HNF4G: variants seen among roughly 807,000 people sequenced by gnomAD.
The protein encoded by HNF4G is hepatocyte nuclear factor 4-gamma.
HNF4G carries 21 observed loss-of-function variants against 50.9 expected under a neutral mutation model. That is an observed-to-expected ratio of 0.41 (90% CI 0.29 to 0.59). The LOEUF is 0.59. Ranked by LOEUF, HNF4G falls within the 20% of genes least tolerant of loss-of-function variation. The pLI is 0.26. For synonymous variants in HNF4G, 198 were observed against 185.6 expected, an observed-to-expected ratio of 1.07 and a Z score of -0.54; for missense variants, 527 against 559.4, an observed-to-expected ratio of 0.94 and a Z score of 0.58.
intron 2 of HNF4G, among the ~76,000 whole-genome samples, chr8:75,516,951 A>G (rs1390995149): frequency 1.3e-5 from 2 of 152,202 alleles, no homozygotes; most frequent in African/African-American, 4.8e-5. Flanking sequence ...TGGGTAACTT[A>G]TAAAGAAAAG....
chr8:75,490,869 A>T (rs1046144185), intron 2 of HNF4G, among the ~76,000 whole-genome samples: 1 of 152,214 alleles, frequency 6.6e-6, no homozygotes, highest in African/African-American at 2.4e-5. Context: ...ACTCAATAGA[A>T]AACGTCTTCG....
At chr8:75,500,077 G>A (rs1812886424) in intron 2 of HNF4G, among the ~76,000 whole-genome samples, 1 of 152,084 alleles carries the variant, frequency 6.6e-6, no homozygotes, top group South Asian at 2.1e-4. Flanking sequence ...TCAAGAAAGT[G>A]AAGAGACAAT....
At chr8:75,521,573 A>G (rs1327629943) in intron 2 of HNF4G, among the ~76,000 whole-genome samples, 8 of 152,110 alleles carry the variant, frequency 5.3e-5, no homozygotes, top group Admixed American at 5.2e-4. Context: ...TGGATGTTCT[A>G]ATAGTCCTGA....
chr8:75,421,154 C>A (rs1236438305), intron 1 of HNF4G, among the ~76,000 whole-genome samples: 1 of 152,058 alleles, frequency 6.6e-6, no homozygotes, highest in Non-Finnish European at 1.5e-5. Flanking sequence ...TGAGAAAAAA[C>A]AAAGCAAGCA....
At chr8:75,501,796 A>G (rs1812934723) in intron 2 of HNF4G, among the ~76,000 whole-genome samples, 1 of 152,132 alleles carries the variant, frequency 6.6e-6, no homozygotes, top group Admixed American at 6.6e-5. Context: ...GAATCAAGCT[A>G]ATTAACATAT....
At chr8:75,442,710 T>G (rs1385044449) in intron 1 of HNF4G, among the ~76,000 whole-genome samples, 4 of 152,136 alleles carry the variant, frequency 2.6e-5, no homozygotes, top group Non-Finnish European at 4.4e-5. Flanking sequence ...CCCATAAATA[T>G]TTCCTAAAGC....
intron 2 of HNF4G, among the ~76,000 whole-genome samples, chr8:75,494,875 A>G (rs1433042387): frequency 6.6e-6 from 1 of 152,098 alleles, no homozygotes; most frequent in Non-Finnish European, 1.5e-5. Context: ...GGTAACAAAA[A>G]CAGTGTTTAT....
Position 75,449,056 on chromosome 8 carries a change from G to A in HNF4G, c.-144+40894G>A, listed in dbSNP as rs1585853348. Among the ~76,000 whole-genome samples, 3 of 152,174 alleles carry A rather than the reference G, an allele frequency of 2.0e-5. No homozygotes were observed. The South Asian group carries it at 6.2e-4, about 32-fold the overall frequency. ...TGAAGATCATGTTGCTATAATTAAA[G>A]GGCCCCAAAAAGTTGTTTAAATAAA... On this transcript the variant is annotated intron_variant, in intron 1 of 10. Coordinates refer to the HNF4G transcript ENST00000354370.
chr8:75,418,722 C>CTTTTT (rs560295179), intron 1 of HNF4G, among the ~76,000 whole-genome samples: 24 of 109,388 alleles, frequency 2.2e-4, no homozygotes, highest in South Asian at 2.9e-4. Flanking sequence ...CTCTCTCTCT[C>CTTTTT]TTTTTTTTTT....
intron 1 of HNF4G, among the ~76,000 whole-genome samples, chr8:75,431,246 A>C (rs1304368614): frequency 1.3e-5 from 2 of 152,102 alleles, no homozygotes; most frequent in Non-Finnish European, 2.9e-5. Flanking sequence ...ACATACATCT[A>C]ATTGGAGAGC....
chr8:75,443,387 T>C (rs551475523), intron 1 of HNF4G, among the ~76,000 whole-genome samples: 1 of 152,332 alleles, frequency 6.6e-6, no homozygotes, highest in Admixed American at 6.5e-5. Flanking sequence ...AACATTAGTA[T>C]TAATAACTTC....
chr8:75,499,865 G>A (rs1419354033), intron 2 of HNF4G, among the ~76,000 whole-genome samples: 4 of 151,960 alleles, frequency 2.6e-5, no homozygotes, highest in East Asian at 1.9e-4. Flanking sequence ...GAATGCCTAC[G>A]TGACATAACA....
At chr8:75,409,885 C>T (rs1424862245) in intron 1 of HNF4G, among the ~76,000 whole-genome samples, 2 of 152,008 alleles carry the variant, frequency 1.3e-5, no homozygotes, top group Non-Finnish European at 2.9e-5. Context: ...AGAAAAAGAG[C>T]CCCCTCCCCA....
chr8:75,489,666 A>G (rs1812576707), intron 1 of HNF4G, among the ~76,000 whole-genome samples: 1 of 152,252 alleles, frequency 6.6e-6, no homozygotes, highest in Admixed American at 6.5e-5. Context: ...AAAATTGTAC[A>G]TGGGGTCATA....
At position 75,470,320 on chromosome 8, in the gene HNF4G, T is replaced by TATGTAAAGTGTAAAGAAAA. The variant is rs2130630456; in HGVS notation, c.-143-19768_-143-19767insTGTAAAGTGTAAAGAAAAA. 2.0e-5 allele frequency among the ~76,000 whole-genome samples: 3 copies of TATGTAAAGTGTAAAGAAAA among 152,366 alleles called. No homozygotes were observed. The East Asian group carries it at 5.8e-4, about 29-fold the overall frequency. ...CATATAAAGTGTAAAGAAGAAAATA[T>TATGTAAAGTGTAAAGAAAA]AATCACTGTTCTTGGCTTAAGAGAA... On this transcript the variant is annotated intron_variant, in intron 1 of 10. Coordinates refer to the HNF4G transcript ENST00000354370.
chr8:75,429,704 A>C (rs1340989619), intron 1 of HNF4G, among the ~76,000 whole-genome samples: 1 of 152,176 alleles, frequency 6.6e-6, no homozygotes, highest in East Asian at 1.9e-4. Flanking sequence ...CTTTTAAAGC[A>C]GAAAGGCCGA....
intron 2 of HNF4G, among the ~76,000 whole-genome samples, chr8:75,522,984 T>TG (rs976113417): frequency 6.6e-5 from 10 of 152,184 alleles, no homozygotes; most frequent in African/African-American, 1.9e-4. Context: ...CCCAGCACTT[T>TG]GGGAGGTCTA....
chr8:75,558,859 C>A lies in HNF4G; in HGVS notation c.945C>A (p.Ile315=). The A allele has an allele frequency of 6.2e-7, 1 of 1,613,996 alleles. No individual in the cohort carries two copies. The highest frequency in any genetic ancestry group is 1.1e-5 in the South Asian group (1 of 91,064). Residue 315 remains isoleucine (I), a synonymous_variant, in exon 8 of 10, where the codon ATC becomes ATA. Coordinates refer to ENST00000396423, the MANE Select transcript of HNF4G (RefSeq NM_004133.5). ...AGAACATGAGGTTCCAAGTGCAGAT[C>A]GGTTTGGAGGACTACATCAATGATC... The part of the protein sequence containing the change: ...KIKNMRFQVQ[I]GLEDYINDRQ...
In HNF4G at chr8:75,478,257, T is replaced by G. The variant is rs141805296; in HGVS notation, c.-143-11832T>G. Among the ~76,000 whole-genome samples the G allele has an allele frequency of 3.8e-4, 58 of 152,200 alleles. 1 individual carries two copies. The East Asian group carries it at 9.9e-3, about 26-fold the overall frequency. On this transcript the variant is annotated intron_variant, in intron 1 of 10. Transcript: ENST00000354370. ...TGAGCCCAGGAGGCCCAGGCTGCAG[T>G]GAGTTGAGATCCCACCACTGCACTC...
Sources: gnomAD v4.1 joint callset for allele counts (sites outside exome capture counted in the v4.1 genomes callset) on GRCh38, gnomAD v4.1.1 for gene constraint, MANE v1.5 for transcripts, NCBI Gene and HGNC (gene_info 2026-07-23, HGNC 2026-07-21) for gene names.